The following ARSF variants were observed in gnomAD, a reference collection of about 807,000 sequenced individuals.
The protein encoded by ARSF is arylsulfatase F.
In ARSF, 33 loss-of-function variants were observed where a neutral mutation model predicts 35.4. The ratio of observed to expected loss-of-function variants is 0.93; its 90% CI spans 0.71 to 1.25. The LOEUF (loss-of-function observed/expected upper bound fraction) is 1.25, where lower values mean the gene tolerates loss of function less well. Among genes scored for constraint, ARSF ranks in the 50% most tolerant of loss-of-function variants. ARSF has a pLI of 0.00. For missense variants in ARSF, 501 were observed against 480.2 expected, an observed-to-expected ratio of 1.04 and a Z score of -0.40; for synonymous variants, 222 against 193.1, an observed-to-expected ratio of 1.15 and a Z score of -1.24.
intron 1 of ARSF, among the ~76,000 whole-genome samples, chrX:3,043,808 G>T (rs1453323745): frequency 1.8e-5 from 2 of 111,257 alleles, no homozygotes; most frequent in Non-Finnish European, 3.8e-5. Flanking sequence ...TGGAGACAGG[G>T]TCTCACTCTG....
At chrX:3,094,155 G>A (rs1370216483) in intron 7 of ARSF, among the ~76,000 whole-genome samples, 2 of 111,654 alleles carry the variant, frequency 1.8e-5, no homozygotes, top group Admixed American at 9.6e-5. Context: ...CCCCGGAGAC[G>A]AGTATCATCT....
At chrX:3,050,994 GCTGA>G (rs1056038451) in intron 1 of ARSF, among the ~76,000 whole-genome samples, 1 of 111,425 alleles carries the variant, frequency 9.0e-6, no homozygotes, top group Admixed American at 9.6e-5. Context: ...TTTCCCTGGT[GCTGA>G]CTGTGACCAA....
chrX:3,068,790 G>A (rs950425544), intron 2 of ARSF, among the ~76,000 whole-genome samples: 3 of 111,787 alleles, frequency 2.7e-5, no homozygotes, highest in Non-Finnish European at 5.6e-5. Context: ...ACTTTGCATA[G>A]ATGAAAAGCA....
At chrX:3,079,166 A>G (rs753664707) in intron 4 of ARSF, among the ~76,000 whole-genome samples, 3 of 111,304 alleles carry the variant, frequency 2.7e-5, no homozygotes, top group Non-Finnish European at 5.6e-5. Flanking sequence ...CCATCCATTC[A>G]TCAATTGATG....
chrX:3,066,744 A>T (rs2090068064), intron 1 of ARSF: 1 of 110,597 alleles, frequency 9.0e-6, no homozygotes, highest in Non-Finnish European at 1.9e-5. Context: ...CTCCCATGGG[A>T]GAGAGAGGTG....
chrX:3,085,597 T>A (rs1391857034), intron 6 of ARSF, among the ~76,000 whole-genome samples: 4 of 111,038 alleles, frequency 3.6e-5, no homozygotes, highest in African/African-American at 1.3e-4. Context: ...CAAGGGTATC[T>A]ATCCTCTTGT....
In ARSF at chrX:3,112,234, G is replaced by A; in HGVS notation, c.1451G>A (p.Gly484Asp). ...GTATTCCAGCCACCAGCTTCTGGTGGCTGCTATGTCACCTCATTATGCAGA... is the reference window on the plus strand; with the variant it reads ...GTATTCCAGCCACCAGCTTCTGGTGACTGCTATGTCACCTCATTATGCAGA... ...TPVFQPPASG[G>D]CYVTSLCRCF... Residue 484 changes from glycine to aspartate, a missense_variant, in exon 11 of 11, where the codon GGC becomes GAC. Physicochemically the swap from Gly to Asp is moderately conservative, Grantham distance 94. Coordinates refer to ENST00000381127, the MANE Select transcript of ARSF (RefSeq NM_001201539.2). 8.3e-7 allele frequency: 1 copy of A among 1,210,499 alleles called. No individual in the cohort carries two copies.
intron 1 of ARSF, among the ~76,000 whole-genome samples, chrX:3,053,572 C>A (rs1042740775): frequency 9.1e-6 from 1 of 109,500 alleles, no homozygotes; most frequent in Non-Finnish European, 1.9e-5. Flanking sequence ...TAGCCCTAAG[C>A]TTGTCACTAC....
chrX:3,076,811 A>G (rs924697327), intron 4 of ARSF, 142 bp downstream of exon 4: 1 of 887,338 alleles, frequency 1.1e-6, no homozygotes. Context: ...TCGGGAGGCC[A>G]AGGTGGGAGG....
At chrX:3,076,370 G>A (rs1428556660) in intron 3 of ARSF, among the ~76,000 whole-genome samples, 178 bp from the exon 4 acceptor site, 2 of 107,029 alleles carry the variant, frequency 1.9e-5, no homozygotes, top group Non-Finnish European at 3.9e-5. Context: ...CTTTCTGTCT[G>A]TCTCTCTCTC....
At chrX:3,104,294 C>T (rs890498475) in intron 9 of ARSF, among the ~76,000 whole-genome samples, 4 of 111,061 alleles carry the variant, frequency 3.6e-5, no homozygotes, top group Admixed American at 1.9e-4. Flanking sequence ...TTTTAGCTCC[C>T]ACACTGAGTG....
chrX:3,089,400 G>A (rs2090271988), intron 6 of ARSF, 96 bp from the exon 7 acceptor site: 1 of 1,008,813 alleles, frequency 9.9e-7, no homozygotes, highest in Admixed American at 2.3e-5. Context: ...GCTTGGAGAA[G>A]AAGGAAGCAG....
chrX:3,058,967 T>G (rs2090030467), intron 1 of ARSF, among the ~76,000 whole-genome samples: 2 of 112,145 alleles, frequency 1.8e-5, no homozygotes, highest in Non-Finnish European at 3.8e-5. Flanking sequence ...AAGTAGGGAT[T>G]CTGAAAGAAG....
chrX:3,093,127 T>A (rs755941096), intron 7 of ARSF, among the ~76,000 whole-genome samples: 2 of 111,536 alleles, frequency 1.8e-5, no homozygotes, highest in East Asian at 2.8e-4. Flanking sequence ...ATCGCGCCAC[T>A]GCACTCCAGC....
chrX:3,081,948 A>G (rs1032818170), intron 5 of ARSF, among the ~76,000 whole-genome samples: 1 of 111,160 alleles, frequency 9.0e-6, no homozygotes, highest in African/African-American at 3.3e-5. Flanking sequence ...TTGATAAGAG[A>G]AGGCAATCTC....
At chrX:3,102,194 C>A (rs888027494) in intron 8 of ARSF, among the ~76,000 whole-genome samples, 3 of 110,972 alleles carry the variant, frequency 2.7e-5, no homozygotes, top group African/African-American at 9.8e-5. Context: ...CAGATAAGTT[C>A]TTTAGTGGTG....
chrX:3,083,512 AT>A, intron 5 of ARSF, among the ~76,000 whole-genome samples: 1 of 68,253 alleles, frequency 1.5e-5, no homozygotes, highest in African/African-American at 6.1e-5. Context: ...CTATCTATCT[AT>A]CTATCTATCT....
intron 7 of ARSF, among the ~76,000 whole-genome samples, chrX:3,090,159 G>A: frequency 9.0e-6 from 1 of 111,072 alleles, no homozygotes; most frequent in Non-Finnish European, 1.9e-5. Flanking sequence ...CACTTATTTT[G>A]TTTCATTTTT....
At position 3,059,005 on chromosome X, in the gene ARSF, A is replaced by G. The variant is rs936537419; in HGVS notation, c.-28-9068A>G. On this transcript the variant is annotated intron_variant, in intron 1 of 10. Coordinates refer to ENST00000381127, the MANE Select transcript of ARSF (RefSeq NM_001201539.2). ...CTCAAAGTGAATACTTATTCCATGG[A>G]GAAACAGAATGAATTGAGAGAGTCC... 1.3e-4 allele frequency among the ~76,000 whole-genome samples: 15 copies of G among 112,355 alleles called. No individual in the cohort carries two copies. The Admixed American group carries it at 1.4e-3, about 11-fold the overall frequency.
Sources: gnomAD v4.1 joint callset for allele counts (sites outside exome capture counted in the v4.1 genomes callset) on GRCh38, gnomAD v4.1.1 for gene constraint, MANE v1.5 for transcripts, NCBI Gene and HGNC (gene_info 2026-07-23, HGNC 2026-07-21) for gene names.